SNTA1: variants seen among roughly 807,000 people sequenced by gnomAD.
SNTA1 encodes syntrophin alpha 1.
A neutral mutation model predicts 47.1 loss-of-function variants in SNTA1; 31 were observed. That is an observed-to-expected ratio of 0.66 (90% CI 0.49 to 0.89). SNTA1 has a LOEUF of 0.89. Ranked by LOEUF, SNTA1 falls within the 40% of genes least tolerant of loss-of-function variation. The pLI, the probability that SNTA1 is intolerant of heterozygous loss-of-function variation, is 0.00. For missense variants in SNTA1, 575 were observed against 693.0 expected (o/e 0.83, Z 1.91); for synonymous variants, 300 against 313.6 (o/e 0.96, Z 0.46).
chr20:33,412,612 C>A lies in SNTA1; in HGVS notation c.872G>T (p.Ser291Ile). 3 of 1,613,902 alleles carry A rather than the reference C, an allele frequency of 1.9e-6. No individual in the cohort carries two copies. The highest frequency in any genetic ancestry group is 2.5e-6 in the Non-Finnish European group (3 of 1,180,014). Residue 291 changes from serine (S) to isoleucine (I), a missense_variant, in exon 4 of 8, where the codon AGC (serine) becomes ATC (isoleucine). By Grantham distance (142) the Ser-to-Ile change is moderately radical. Transcript: ENST00000217381. ...CCAGCCAATCTGCTTGATGTCCTGG[C>A]TCCCAGCTGTGCTGGTGGCTGCCAA... ...ALLAATSTAG[S>I]QDIKQIGWLT...
At chr20:33,412,882 C>T (rs979731823) in intron 3 of SNTA1, 100 bp from the exon 4 acceptor site, 2 of 786,888 alleles carry the variant, frequency 2.5e-6, no homozygotes, top group South Asian at 1.5e-5. Context: ...CAGGAGAAAC[C>T]AGGGGGATGT....
intron 2 of SNTA1, among the ~76,000 whole-genome samples, chr20:33,419,469 A>G (rs907777023): frequency 6.6e-6 from 1 of 152,252 alleles, no homozygotes; most frequent in Non-Finnish European, 1.5e-5. Flanking sequence ...GGGTTGGGAT[A>G]GAAGCAATGT....
intron 3 of SNTA1, among the ~76,000 whole-genome samples, chr20:33,414,245 C>CAAAAAAAAAAAAAAAAAAAAAAAA (rs56186098): frequency 1.0e-3 from 30 of 29,248 alleles, no homozygotes; most frequent in Non-Finnish European, 1.7e-3. Flanking sequence ...TCTCAAAAAC[C>CAAAAAAAAAAAAAAAAAAAAAAAA]AAAAAAAAAA....
rs773004166 is a variant in SNTA1 at position 33,410,226 on chromosome 20, G to A, written c.1146C>T (p.Ser382=). The change falls in exon 6 of 8, where the codon AGC becomes AGT. Residue 382 remains serine, a synonymous_variant. Coordinates refer to ENST00000217381, the MANE Select transcript of SNTA1 (RefSeq NM_003098.3). ...TRHGVDTHLF[S]VESPQELAAW... The stretch of plus-strand genomic sequence containing the variant: ...CAGCCAGCTCCTGCGGTGACTCCAC[G>A]CTGAACAGGTGAGTGTCCACACCGT... 28 of 1,613,748 alleles carry A rather than the reference G, an allele frequency of 1.7e-5. No individual in the cohort carries two copies. Among genetic ancestry groups the A allele is most frequent in the Non-Finnish European group, 2.3e-5 (27 of 1,179,974 alleles).
intron 6 of SNTA1, among the ~76,000 whole-genome samples, chr20:33,409,674 C>T (rs2146756421): frequency 6.6e-6 from 1 of 151,728 alleles, no homozygotes; most frequent in South Asian, 2.1e-4. Flanking sequence ...TGCTCTGTCG[C>T]CCAGGCTGGA....
intron 2 of SNTA1, among the ~76,000 whole-genome samples, chr20:33,428,003 C>T (rs1051837417): frequency 8.6e-5 from 13 of 151,958 alleles, no homozygotes; most frequent in Admixed American, 5.3e-4. Context: ...TAGTGCACTC[C>T]GGCCTCGAAT....
chr20:33,420,789 G>A (rs1306682242), intron 2 of SNTA1, among the ~76,000 whole-genome samples: 1 of 152,028 alleles, frequency 6.6e-6, no homozygotes, highest in African/African-American at 2.4e-5. Flanking sequence ...AGACGAGCCT[G>A]GCCAACATGG....
intron 3 of SNTA1, among the ~76,000 whole-genome samples, chr20:33,414,245 C>CAAAAAAAAAAAAAAAAAAAAAAAAAAACA (rs1989818489): frequency 4.1e-4 from 12 of 29,254 alleles, no homozygotes; most frequent in Non-Finnish European, 5.4e-4. Flanking sequence ...TCTCAAAAAC[C>CAAAAAAAAAAAAAAAAAAAAAAAAAAACA]AAAAAAAAAA....
At chr20:33,422,975 T>C (rs1327999043) in intron 2 of SNTA1, among the ~76,000 whole-genome samples, 2 of 152,060 alleles carry the variant, frequency 1.3e-5, no homozygotes, top group Non-Finnish European at 2.9e-5. Context: ...TCCCCTGTGA[T>C]TGTCTGTGTA....
chr20:33,434,141 C>T (rs544186780), intron 2 of SNTA1, among the ~76,000 whole-genome samples: 4 of 152,178 alleles, frequency 2.6e-5, no homozygotes, highest in East Asian at 1.9e-4. Flanking sequence ...GATTCAACTC[C>T]GGGGAAACCT....
At chr20:33,421,722 G>C (rs572686350) in intron 2 of SNTA1, among the ~76,000 whole-genome samples, 1 of 151,792 alleles carries the variant, frequency 6.6e-6, no homozygotes, top group Non-Finnish European at 1.5e-5. Context: ...TTGGGAGCCC[G>C]AGGCAGGCAG....
At chr20:33,440,147 T>TA (rs1990543940) in intron 1 of SNTA1, among the ~76,000 whole-genome samples, 1 of 147,698 alleles carries the variant, frequency 6.8e-6, no homozygotes, top group East Asian at 2.1e-4. Flanking sequence ...AAATACATAA[T>TA]AAAAAAATAA....
In SNTA1 at chr20:33,412,431, A is replaced by G; in HGVS notation, c.910-5T>C. The G allele has an allele frequency of 6.2e-7, 1 of 1,610,886 alleles. No homozygotes were observed. Among genetic ancestry groups the G allele is most frequent in the Non-Finnish European group, 8.5e-7 (1 of 1,179,280 alleles). ...GGCTGTGCCCCCACTGGGCAGCTGC[A>G]GAGAACAAAACAGCAGTGAGGATGG... is the stretch of plus-strand genomic sequence containing the variant. On this transcript the variant is annotated splice_polypyrimidine_tract_variant and splice_region_variant and intron_variant, in intron 4 of 7. Transcript: ENST00000217381.
intron 4 of SNTA1, 39 bp downstream of exon 4, chr20:33,412,536 G>C: frequency 6.2e-7 from 1 of 1,604,172 alleles, no homozygotes; most frequent in Non-Finnish European, 8.5e-7. Context: ...CCAAAGGAGC[G>C]GAAGAGAGAG....
intron 3 of SNTA1, among the ~76,000 whole-genome samples, chr20:33,416,938 C>CAAA (rs1161474406): frequency 3.6e-5 from 2 of 56,038 alleles, no homozygotes; most frequent in Non-Finnish European, 7.3e-5. Context: ...GAGACTCTGT[C>CAAA]AAAAAAAAAA....
chr20:33,443,443 C>T lies in SNTA1; in HGVS notation c.178G>A (p.Glu60Lys), dbSNP rs1023067137. 5 of 1,358,074 alleles carry T rather than the reference C, an allele frequency of 3.7e-6. 1 individual carries two copies. The allele number at this position is 1,358,074 out of a possible 1,614,324, so 84.1% of individuals were successfully genotyped here. Residue 60 changes from glutamate (E) to lysine (K), a missense_variant, in exon 1 of 8, where the codon GAG becomes AAG. By Grantham distance (56) the Glu-to-Lys change is moderately conservative. Coordinates refer to ENST00000217381, the MANE Select transcript of SNTA1 (RefSeq NM_003098.3). ...GCGGCGCCGTTGAGCTGCGCGGGCT[C>T]CTGCTCCCGCGGAGCGCCGGGCTCG... ...GPEPGAPREQEPAQLNGAAEP... is the reference protein window; with the variant it reads ...GPEPGAPREQKPAQLNGAAEP...
At position 33,443,694 on chromosome 20, in the gene SNTA1, AG is replaced by A. The variant is rs1990639876; in HGVS notation, c.-75del. On this transcript the variant is annotated 5_prime_UTR_variant, in exon 1 of 8. Transcript: ENST00000217381. Reference sequence around the variant, plus strand: ...CCCAGCCCGCTCCGACCAAGCGCCCAGGGCAGAGGGCAGCGGGGGCCCGGCT... The same window carrying A: ...CCCAGCCCGCTCCGACCAAGCGCCCAGGCAGAGGGCAGCGGGGGCCCGGCT... 3 of 948,206 alleles carry A rather than the reference AG, an allele frequency of 3.2e-6. No individual in the cohort carries two copies. Among genetic ancestry groups the A allele is most frequent in the Admixed American group, 5.0e-5 (1 of 20,088 alleles). The allele number at this position is 948,206 out of a possible 1,614,324, so 58.7% of individuals were successfully genotyped here. A position where few individuals can be genotyped will look rare whatever the true frequency, so the allele number is the denominator to read the frequency against.
chr20:33,437,740 G>A (rs1990477206), intron 2 of SNTA1, among the ~76,000 whole-genome samples: 1 of 152,188 alleles, frequency 6.6e-6, no homozygotes, highest in African/African-American at 2.4e-5. Context: ...ACATTCCTCA[G>A]GCCCCCACGG....
chr20:33,439,128 C>T, intron 1 of SNTA1, 102 bp from the exon 2 acceptor site: 1 of 1,095,714 alleles, frequency 9.1e-7, no homozygotes, highest in Non-Finnish European at 1.4e-6. Context: ...TGGTGCCTAG[C>T]CCAGTGCTGG....
Sources: allele counts gnomAD v4.1 joint callset (sites outside exome capture counted in the v4.1 genomes callset), GRCh38; gene constraint gnomAD v4.1.1; transcripts MANE v1.5; gene names NCBI Gene and HGNC (gene_info 2026-07-23, HGNC 2026-07-21).